DUSP6: variants seen among roughly 807,000 people sequenced by gnomAD.
The protein encoded by DUSP6 is dual specificity protein phosphatase 6.
DUSP6 carries 6 observed loss-of-function variants against 28.0 expected under a neutral mutation model. That is an observed-to-expected ratio of 0.21 (90% CI 0.12 to 0.42). DUSP6 has a LOEUF of 0.42. Among genes scored for constraint, DUSP6 ranks in the 10% least tolerant of loss-of-function variants. The pLI is 1.00. For synonymous variants in DUSP6, 252 were observed against 217.5 expected (o/e 1.16, Z -1.40); for missense variants, 451 against 498.1 (o/e 0.91, Z 0.90).
In DUSP6 at chr12:89,349,676, G is replaced by A. The variant is rs947888726; in HGVS notation, c.839-115C>T. ...ATAATAATAATAGTTGTGTGTGGCA[G>A]TTGAGCCCTACAAGCAGCAGAAAAT... On this transcript the variant is annotated intron_variant, in intron 2 of 2. Transcript: ENST00000279488. 15 of 749,626 alleles carry A rather than the reference G, an allele frequency of 2.0e-5. No homozygotes were observed. In the Admixed American group the frequency reaches 4.0e-4, roughly 20 times the overall value. The allele number at this position is 749,626 out of a possible 1,614,324, so 46.4% of individuals were successfully genotyped here.
At position 89,347,288 on chromosome 12, in the gene DUSP6, G is replaced by A. The variant is rs1267702045; in HGVS notation, c.*1966C>T. 6.6e-6 allele frequency: 1 copy of A among 152,090 alleles called. No individual in the cohort carries two copies. The highest frequency in any genetic ancestry group is 6.5e-5 in the Admixed American group (1 of 15,268). 9.4% of individuals were successfully genotyped at this position (152,090 alleles called of 1,614,324 possible). On this transcript the variant is annotated 3_prime_UTR_variant, in exon 3 of 3. Transcript: ENST00000279488. ...TTGGTTTGTGTATTTTTACATTTGA[G>A]GTAAGGAGAGGGTAGGTCCCAAGAA...
chr12:89,349,873 A>G (rs1879122095), intron 2 of DUSP6, among the ~76,000 whole-genome samples: 1 of 152,232 alleles, frequency 6.6e-6, no homozygotes, highest in African/African-American at 2.4e-5. Context: ...AATGCCTTTT[A>G]CACAGACAAC....
At chr12:89,351,322 C>T in intron 1 of DUSP6, 1 of 579,096 alleles carries the variant, frequency 1.7e-6, no homozygotes. Flanking sequence ...CTCTCCCGTC[C>T]TGCAAATCTT....
intron 1 of DUSP6, 87 bp downstream of exon 1, chr12:89,351,553 G>A: frequency 2.1e-6 from 3 of 1,462,026 alleles, no homozygotes; most frequent in South Asian, 1.4e-5. Flanking sequence ...CAGCTGAGCG[G>A]AGCAGAGGTA....
In DUSP6 at chr12:89,351,900, G is replaced by A; in HGVS notation, c.140C>T (p.Ser47Leu). ...GTTGATGGCCGACTCGATGTGCGAC[G>A]ACTCGTATAGCTCCTGCGGCCGGCA... Reference protein sequence around the residue: ...MDCRPQELYESSHIESAINVA... With the variant: ...MDCRPQELYELSHIESAINVA... Residue 47 changes from serine (S) to leucine (L), a missense_variant, in exon 1 of 3, where the codon TCG becomes TTG. Physicochemically the swap from Ser to Leu is moderately radical, Grantham distance 145. Transcript: ENST00000279488. 6.2e-7 allele frequency: 1 copy of A among 1,612,784 alleles called. No homozygotes were observed. Among genetic ancestry groups the A allele is most frequent in the Non-Finnish European group, 8.5e-7 (1 of 1,179,924 alleles).
At chr12:89,350,527 C>CTATGAATGGCTAGGAATTTTGCATTTAAA in intron 2 of DUSP6, 61 bp downstream of exon 2, 1 of 1,509,732 alleles carries the variant, frequency 6.6e-7, no homozygotes, top group African/African-American at 1.4e-5. Flanking sequence ...AGCTTAAACT[C>CTATGAATGGCTAGGAATTTTGCATTTAAA]TATGAATGGC....
At position 89,349,409 on chromosome 12, in the gene DUSP6, A is replaced by G; in HGVS notation, c.991T>C (p.Ser331Pro). ...TGACCCATGAAGTTGAAGTTAGGGG[A>G]TATGTTGGATTTTTTCATTTTGACA... ...DIVKMKKSNI[S>P]PNFNFMGQLL... The change falls in exon 3 of 3, where the codon TCC (serine) becomes CCC (proline). Residue 331 changes from serine to proline, a missense_variant. Physicochemically the swap from Ser to Pro is moderately conservative, Grantham distance 74. Coordinates refer to ENST00000279488, the MANE Select transcript of DUSP6 (RefSeq NM_001946.4). 1 of 1,614,032 alleles carries G rather than the reference A, an allele frequency of 6.2e-7. No homozygotes were observed. The highest frequency in any genetic ancestry group is 8.5e-7 in the Non-Finnish European group (1 of 1,180,014).
chr12:89,349,075 T>G lies in DUSP6; in HGVS notation c.*179A>C. ...GCATGTCCTGTTATTCCAAAGAGAA[T>G]GGAGCAAATCTCTCTGTTAGTATTA... On this transcript the variant is annotated 3_prime_UTR_variant, in exon 3 of 3. Transcript: ENST00000279488. 1 of 645,730 alleles carries G rather than the reference T, an allele frequency of 1.5e-6. No individual in the cohort carries two copies. The allele number at this position is 645,730 out of a possible 1,614,324, so 40.0% of individuals were successfully genotyped here.
rs905793653 is a variant in DUSP6 at position 89,352,218 on chromosome 12, C to T, written c.-179G>A. The T allele has an allele frequency of 1.8e-5, 16 of 877,180 alleles. No homozygotes were observed. The East Asian group carries it at 4.2e-4, about 23-fold the overall frequency. 54.3% of individuals were successfully genotyped at this position (877,180 alleles called of 1,614,324 possible). ...AGACAGAAGTAAAGCCGGAGGTTCTCTCTGCACCCAGCTGCAGCCGCTGGC... is the reference window on the plus strand; with the variant it reads ...AGACAGAAGTAAAGCCGGAGGTTCTTTCTGCACCCAGCTGCAGCCGCTGGC... On this transcript the variant is annotated 5_prime_UTR_variant, in exon 1 of 3. Coordinates refer to ENST00000279488, the MANE Select transcript of DUSP6 (RefSeq NM_001946.4).
chr12:89,350,352 A>C (rs1879140188), intron 2 of DUSP6, among the ~76,000 whole-genome samples: 1 of 152,230 alleles, frequency 6.6e-6, no homozygotes, highest in African/African-American at 2.4e-5. Flanking sequence ...CAATGACTGA[A>C]TTCAAAGATT....
At position 89,352,087 on chromosome 12, in the gene DUSP6, G is replaced by A. The variant is rs1328488759; in HGVS notation, c.-48C>T. On this transcript the variant is annotated 5_prime_UTR_variant, in exon 1 of 3. Coordinates refer to ENST00000279488, the MANE Select transcript of DUSP6 (RefSeq NM_001946.4). Reference sequence around the variant, plus strand: ...GCGGGGTGCCTACCAGACGCCCCTCGGGGCAGGCATAGGCCGAGCGCACCG... The same window carrying A: ...GCGGGGTGCCTACCAGACGCCCCTCAGGGCAGGCATAGGCCGAGCGCACCG... 1 of 1,586,084 alleles carries A rather than the reference G, an allele frequency of 6.3e-7. No homozygotes were observed. Among genetic ancestry groups the A allele is most frequent in the Non-Finnish European group, 8.6e-7 (1 of 1,163,320 alleles).
rs1270637152 is a variant in DUSP6, at chr12:89,349,167, C to T, written c.*87G>A. ...GGTGTCATTTTGACACCTGGGGCCA[C>T]ACACAAAGAAAGCAGCCCAGCTGAT... On this transcript the variant is annotated 3_prime_UTR_variant, in exon 3 of 3. Coordinates refer to ENST00000279488, the MANE Select transcript of DUSP6 (RefSeq NM_001946.4). The T allele has an allele frequency of 7.0e-7, 1 of 1,438,250 alleles. No individual in the cohort carries two copies. The highest frequency in any genetic ancestry group is 9.4e-7 in the Non-Finnish European group (1 of 1,063,796). The allele number at this position is 1,438,250 out of a possible 1,614,324, so 89.1% of individuals were successfully genotyped here.
Position 89,350,796 on chromosome 12 carries a change from G to A in DUSP6, c.630C>T (p.Ile210=), listed in dbSNP as rs1374639522. 1.2e-6 allele frequency: 2 copies of A among 1,613,976 alleles called. No homozygotes were observed. The highest frequency in any genetic ancestry group is 1.3e-5 in the African/African-American group (1 of 74,906). ...CACAGCCCAAGTAGAGGAAGGGCAA[G>A]ATCTCCACTGGGAAGGAAGGCTGGC... The part of the protein sequence containing the change: ...SNSQPSFPVE[I]LPFLYLGCAK... The change falls in exon 2 of 3, where the codon ATC becomes ATT. Residue 210 remains isoleucine (I), a synonymous_variant. Coordinates refer to ENST00000279488, the MANE Select transcript of DUSP6 (RefSeq NM_001946.4).
chr12:89,350,746 A>C lies in DUSP6; in HGVS notation c.680T>G (p.Val227Gly). 6.2e-7 allele frequency: 1 copy of C among 1,614,084 alleles called. No individual in the cohort carries two copies. The highest frequency in any genetic ancestry group is 8.5e-7 in the Non-Finnish European group (1 of 1,180,016). ...GTACTTGATGCCGAATTCCTCCAAC[A>C]CGTCCAAGTTGGTGGAGTCTTTGGC... ...GCAKDSTNLD[V>G]LEEFGIKYIL... The change falls in exon 2 of 3, where the codon GTG becomes GGG. Residue 227 changes from valine (V) to glycine (G), a missense_variant. By Grantham distance (109) the Val-to-Gly change is moderately radical. Transcript: ENST00000279488.
chr12:89,351,197 G>A, intron 1 of DUSP6, 172 bp from the exon 2 acceptor site: 1 of 780,068 alleles, frequency 1.3e-6, no homozygotes, highest in Non-Finnish European at 2.0e-6. Context: ...GGAATGGAAC[G>A]AACGGGCCCG....
At position 89,351,005 on chromosome 12, in the gene DUSP6, C is replaced by A. The variant is rs965274509; in HGVS notation, c.421G>T (p.Ala141Ser). The A allele has an allele frequency of 6.3e-6, 10 of 1,599,902 alleles. No homozygotes were observed. Among genetic ancestry groups the A allele is most frequent in the Non-Finnish European group, 8.5e-6 (10 of 1,175,038 alleles). Residue 141 changes from alanine (A) to serine (S), a missense_variant, in exon 2 of 3, where the codon GCC becomes TCC. By Grantham distance (99) the Ala-to-Ser change is moderately conservative. Coordinates refer to ENST00000279488, the MANE Select transcript of DUSP6 (RefSeq NM_001946.4). Reference sequence around the variant, plus strand: ...GTCTCGCAATGCAGGGAGAACTCGGCTTGGAACTTACTGAAGCCACCTGCC... The same window carrying A: ...GTCTCGCAATGCAGGGAGAACTCGGATTGGAACTTACTGAAGCCACCTGCC... ...YLEGGFSKFQ[A>S]EFSLHCETNL... is the part of the protein sequence containing the mutation.
chr12:89,351,604 G>A (rs1446166577), intron 1 of DUSP6, 36 bp downstream of exon 1: 1 of 1,562,758 alleles, frequency 6.4e-7, no homozygotes. Context: ...TGCGCCCCTA[G>A]CCCTGCCCCG....
chr12:89,350,524 ACT>A (rs1176656946), intron 2 of DUSP6, 62 bp downstream of exon 2: 13 of 1,490,704 alleles, frequency 8.7e-6, no homozygotes, highest in East Asian at 2.3e-5. Context: ...AACAGCTTAA[ACT>A]CTATGAATGG....
rs760986736 is a variant in DUSP6 at position 89,348,319 on chromosome 12, G to T, written c.*935C>A. The T allele has an allele frequency of 6.6e-6, 1 of 152,600 alleles. No individual in the cohort carries two copies. Among genetic ancestry groups the T allele is most frequent in the Admixed American group, 6.5e-5 (1 of 15,276 alleles). 9.5% of individuals were successfully genotyped at this position (152,600 alleles called of 1,614,324 possible). A position where few individuals can be genotyped will look rare whatever the true frequency, so the allele number is the denominator to read the frequency against. On this transcript the variant is annotated 3_prime_UTR_variant, in exon 3 of 3. Coordinates refer to ENST00000279488, the MANE Select transcript of DUSP6 (RefSeq NM_001946.4). ...ACTCCCTGAAGAATTTTATACAGAG[G>T]TAATATACTGTTTAGCACAGCTGAA...
Sources: allele counts gnomAD v4.1 joint callset (sites outside exome capture counted in the v4.1 genomes callset), GRCh38; gene constraint gnomAD v4.1.1; transcripts MANE v1.5; gene names NCBI Gene and HGNC (gene_info 2026-07-23, HGNC 2026-07-21).